Variants in LRP6 observed in about 807,000 individuals in gnomAD.
LRP6 encodes the protein low-density lipoprotein receptor-related protein 6.
LRP6 carries 43 observed loss-of-function variants against 184.1 expected under a neutral mutation model. The observed-to-expected ratio is 0.23, with a 90% CI of 0.18 to 0.30. The LOEUF is 0.30. Among genes scored for constraint, LRP6 ranks in the 10% least tolerant of loss-of-function variants. The probability of loss-of-function intolerance (pLI) is 1.00; values close to 1 mark genes in which losing one functional copy is unlikely to be tolerated. For synonymous variants in LRP6, 719 were observed against 684.9 expected (o/e 1.05, Z -0.78); for missense variants, 1,571 against 2,005.3 (o/e 0.78, Z 4.14).
At chr12:12,194,014 C>T (rs1044582891) in intron 3 of LRP6, among the ~76,000 whole-genome samples, 19 of 151,948 alleles carry the variant, frequency 1.3e-4, no homozygotes, top group African/African-American at 4.1e-4. Context: ...TAGAACTTAC[C>T]CCAGAAATGC....
chr12:12,247,933 C>T (rs1865228626), intron 1 of LRP6, among the ~76,000 whole-genome samples: 1 of 152,156 alleles, frequency 6.6e-6, no homozygotes, highest in South Asian at 2.1e-4. Context: ...CTTTCTCTAC[C>T]AGCCTTTCTA....
At chr12:12,127,447 G>A (rs1949688044) in intron 19 of LRP6, among the ~76,000 whole-genome samples, 1 of 152,180 alleles carries the variant, frequency 6.6e-6, no homozygotes, top group Non-Finnish European at 1.5e-5. Flanking sequence ...TAGGCCTGAT[G>A]AATGAAAACT....
chr12:12,244,173 C>A, intron 2 of LRP6, 89 bp downstream of exon 2: 1 of 1,328,884 alleles, frequency 7.5e-7, no homozygotes, highest in South Asian at 1.2e-5. Flanking sequence ...TTCGATCTTT[C>A]TTTTCTCATA....
chr12:12,163,994 G>A (rs1447324660), intron 9 of LRP6, among the ~76,000 whole-genome samples: 1 of 152,096 alleles, frequency 6.6e-6, no homozygotes, highest in African/African-American at 2.4e-5. Flanking sequence ...GCTGGGCGTC[G>A]TGGCACGCAC....
intron 2 of LRP6, among the ~76,000 whole-genome samples, chr12:12,220,854 T>A (rs987692546): frequency 2.0e-5 from 3 of 152,034 alleles, no homozygotes; most frequent in Non-Finnish European, 4.4e-5. Context: ...CCCACCTCAG[T>A]CTCCGAAAGT....
At chr12:12,240,573 AAAAT>A (rs910369834) in intron 2 of LRP6, among the ~76,000 whole-genome samples, 6 of 152,154 alleles carry the variant, frequency 3.9e-5, no homozygotes, top group Admixed American at 6.5e-5. Context: ...CTCCATCTCA[AAAAT>A]AAATAAATAA....
At chr12:12,185,913 T>C (rs568984404) in intron 4 of LRP6, among the ~76,000 whole-genome samples, 10 of 151,832 alleles carry the variant, frequency 6.6e-5, no homozygotes, top group African/African-American at 2.2e-4. Flanking sequence ...TGGCGTGATC[T>C]TGGCTCACTG....
At chr12:12,202,266 G>A (rs1216906402) in intron 3 of LRP6, among the ~76,000 whole-genome samples, 1 of 152,248 alleles carries the variant, frequency 6.6e-6, no homozygotes, top group African/African-American at 2.4e-5. Flanking sequence ...TTTTACACCA[G>A]GTGCTATGGC....
chr12:12,236,345 T>C (rs560057751), intron 2 of LRP6, among the ~76,000 whole-genome samples: 181 of 152,304 alleles, frequency 1.2e-3, no homozygotes, highest in Non-Finnish European at 2.2e-3. Flanking sequence ...AAGAAAATCA[T>C]GACAGTTTTG....
intron 1 of LRP6, chr12:12,248,951 G>A: frequency 2.1e-6 from 1 of 467,038 alleles, no homozygotes; most frequent in East Asian, 4.2e-5. Context: ...AAATGACAGA[G>A]TATAAAAAAT....
At chr12:12,156,629 T>C (rs1862587031) in intron 12 of LRP6, among the ~76,000 whole-genome samples, 1 of 152,256 alleles carries the variant, frequency 6.6e-6, no homozygotes, top group African/African-American at 2.4e-5. Flanking sequence ...TCACCATTAC[T>C]TCCCTGAAAT....
At chr12:12,178,419 ATAAATTT>A (rs1340696727) in intron 7 of LRP6, among the ~76,000 whole-genome samples, 2 of 152,196 alleles carry the variant, frequency 1.3e-5, no homozygotes, top group East Asian at 3.8e-4. Context: ...CTACATGATA[ATAAATTT>A]GGTGCATTCC....
At chr12:12,237,536 T>TG (rs924375727) in intron 2 of LRP6, among the ~76,000 whole-genome samples, 2 of 151,734 alleles carry the variant, frequency 1.3e-5, no homozygotes, top group African/African-American at 4.8e-5. Flanking sequence ...GTAACTACAG[T>TG]GAAAAAAAAA....
At chr12:12,266,384 ACACT>A (rs1301713286) in intron 1 of LRP6, among the ~76,000 whole-genome samples, 1 of 152,124 alleles carries the variant, frequency 6.6e-6, no homozygotes, top group East Asian at 1.9e-4. Flanking sequence ...AGGCACACAG[ACACT>A]CAGTCATCCC....
chr12:12,183,879 C>T, intron 5 of LRP6, 101 bp downstream of exon 5: 1 of 1,046,804 alleles, frequency 9.6e-7, no homozygotes, highest in Non-Finnish European at 1.5e-6. Context: ...AGTGACTGGT[C>T]TCCCAAAGCA....
At chr12:12,207,421 A>T (rs1177234226) in intron 2 of LRP6, among the ~76,000 whole-genome samples, 1 of 149,620 alleles carries the variant, frequency 6.7e-6, no homozygotes. Flanking sequence ...CAGGAGGCTG[A>T]GGCAGGGGAG....
intron 1 of LRP6, among the ~76,000 whole-genome samples, chr12:12,266,381 C>T (rs1406795464): frequency 6.6e-6 from 1 of 152,156 alleles, no homozygotes; most frequent in Admixed American, 6.5e-5. Flanking sequence ...GAGAGGCACA[C>T]AGACACTCAG....
Position 12,162,401 on chromosome 12 carries a change from T to C in LRP6, c.2071A>G (p.Met691Val). 1 of 1,613,934 alleles carries C rather than the reference T, an allele frequency of 6.2e-7. No individual in the cohort carries two copies. Among genetic ancestry groups the C allele is most frequent in the Non-Finnish European group, 8.5e-7 (1 of 1,179,790 alleles). The change falls in exon 10 of 23, where the codon ATG (methionine) becomes GTG (valine). Residue 691 changes from methionine (M) to valine (V), a missense_variant. Met to Val is a conservative substitution (Grantham distance 21). This residue lies in a region of LRP6 where 640 missense variants were observed against 851.9 expected (regional missense o/e 0.75). Coordinates refer to ENST00000261349, the MANE Select transcript of LRP6 (RefSeq NM_002336.3). ...ACATGTTCCAGTGCACTGCCATTCA[T>C]AAAGGCTCTGCTGATGGTCTGCAAA... ...ISLKTISRAFMNGSALEHVVE... is the reference protein window; with the variant it reads ...ISLKTISRAFVNGSALEHVVE...
intron 15 of LRP6, among the ~76,000 whole-genome samples, chr12:12,146,619 A>G (rs1950010703): frequency 6.6e-6 from 1 of 152,246 alleles, no homozygotes; most frequent in Non-Finnish European, 1.5e-5. Flanking sequence ...GTGAAAGGTG[A>G]ATACTAACTT....
Sources: gnomAD v4.1 joint callset for allele counts (sites outside exome capture counted in the v4.1 genomes callset) on GRCh38, gnomAD v4.1.1 for gene constraint, gnomAD v4.1.1 regional missense constraint, MANE v1.5 for transcripts, NCBI Gene and HGNC (gene_info 2026-07-23, HGNC 2026-07-21) for gene names.